The following RBM20 variants were observed in gnomAD, a reference collection of about 807,000 sequenced individuals.
RBM20 encodes the protein RNA binding motif protein 20.
RBM20 carries 51 observed loss-of-function variants against 110.1 expected under a neutral mutation model. The ratio of observed to expected loss-of-function variants is 0.46; its 90% CI spans 0.37 to 0.59. The LOEUF (loss-of-function observed/expected upper bound fraction) is 0.59. RBM20 is among the 20% of genes least tolerant of loss of function. The pLI is 0.00. For synonymous variants in RBM20, 589 were observed against 618.2 expected (o/e 0.95, Z 0.70); for missense variants, 1,512 against 1,574.9 (o/e 0.96, Z 0.68).
chr10:110,674,881 G>T (rs937761720), intron 1 of RBM20, among the ~76,000 whole-genome samples: 2 of 152,208 alleles, frequency 1.3e-5, no homozygotes, highest in Non-Finnish European at 2.9e-5. Context: ...GCACACACTA[G>T]CTCTGTATTA....
At chr10:110,686,561 G>A (rs2134868713) in intron 1 of RBM20, among the ~76,000 whole-genome samples, 1 of 152,142 alleles carries the variant, frequency 6.6e-6, no homozygotes, top group South Asian at 2.1e-4. Context: ...GGAGTTCAAA[G>A]GCTGCAGTGA....
chr10:110,740,872 TC>T (rs1226011529), intron 1 of RBM20, among the ~76,000 whole-genome samples: 1 of 152,146 alleles, frequency 6.6e-6, no homozygotes, highest in African/African-American at 2.4e-5. Context: ...GTTAGCTGGA[TC>T]CAGATGCTGG....
At chr10:110,819,761 G>T (rs1379222775) in intron 9 of RBM20, among the ~76,000 whole-genome samples, 1 of 152,096 alleles carries the variant, frequency 6.6e-6, no homozygotes, top group Non-Finnish European at 1.5e-5. Flanking sequence ...CTTCTACTCT[G>T]CAAAAAATAC....
At chr10:110,699,743 C>CTA (rs570832682) in intron 1 of RBM20, among the ~76,000 whole-genome samples, 3,630 of 151,832 alleles carry the variant, frequency 0.024, 82 homozygotes, top group South Asian at 0.082. Flanking sequence ...GTACTGAACC[C>CTA]TATATATATA....
intron 1 of RBM20, among the ~76,000 whole-genome samples, chr10:110,776,031 G>A (rs866806018): frequency 6.6e-6 from 1 of 152,180 alleles, no homozygotes; most frequent in African/African-American, 2.4e-5. Flanking sequence ...AATCATGCCT[G>A]ATAGCTCTAA....
chr10:110,756,730 A>G (rs937713350), intron 1 of RBM20: 7 of 152,264 alleles, frequency 4.6e-5, no homozygotes, highest in African/African-American at 1.4e-4. Flanking sequence ...GGCTGTCACC[A>G]GGTCTTATAC....
At position 110,821,658 on chromosome 10, in the gene RBM20, T is replaced by G; in HGVS notation, c.3039T>G (p.Ser1013Arg). ...ATGCTGAGCGGAAGCCAGCTGAAAG[T>G]GAGACAGGCCTCTCCCTGGAGGATT... is the stretch of plus-strand genomic sequence containing the variant. ...NLDAERKPAE[S>R]ETGLSLEDSD... Residue 1013 changes from serine to arginine, a missense_variant, in exon 11 of 14, where the codon AGT (serine) becomes AGG (arginine). Ser to Arg is a moderately radical substitution (Grantham distance 110). Coordinates refer to ENST00000369519, the MANE Select transcript of RBM20 (RefSeq NM_001134363.3). The G allele has an allele frequency of 6.4e-7, 1 of 1,551,700 alleles. No homozygotes were observed. Among genetic ancestry groups the G allele is most frequent in the Non-Finnish European group, 8.7e-7 (1 of 1,146,996 alleles).
At chr10:110,753,709 A>C (rs1843888120) in intron 1 of RBM20, among the ~76,000 whole-genome samples, 1 of 152,252 alleles carries the variant, frequency 6.6e-6, no homozygotes, top group Admixed American at 6.5e-5. Flanking sequence ...TCTGGAAGGC[A>C]GAAGCCCATC....
chr10:110,655,508 A>G (rs1862009820), intron 1 of RBM20, among the ~76,000 whole-genome samples: 1 of 152,200 alleles, frequency 6.6e-6, no homozygotes, highest in African/African-American at 2.4e-5. Flanking sequence ...TTGATTTGCA[A>G]AGTGTGTCTG....
chr10:110,789,280 TA>T (rs1332206744), intron 5 of RBM20, among the ~76,000 whole-genome samples: 1 of 152,168 alleles, frequency 6.6e-6, no homozygotes, highest in Non-Finnish European at 1.5e-5. Context: ...CCACAAAATC[TA>T]AAAGGACCGC....
chr10:110,730,388 G>A (rs759725725), intron 1 of RBM20, among the ~76,000 whole-genome samples: 24 of 152,162 alleles, frequency 1.6e-4, no homozygotes, highest in African/African-American at 4.6e-4. Flanking sequence ...GAGATCCCCC[G>A]ACCTCCTTTC....
chr10:110,653,896 A>G (rs1169354057), intron 1 of RBM20, among the ~76,000 whole-genome samples: 1 of 152,140 alleles, frequency 6.6e-6, no homozygotes, highest in Non-Finnish European at 1.5e-5. Context: ...ACCTCTTTCT[A>G]CTTTCCAATA....
intron 9 of RBM20, among the ~76,000 whole-genome samples, 200 bp from the exon 10 acceptor site, chr10:110,819,871 AC>A (rs1300218845): frequency 6.6e-6 from 1 of 152,088 alleles, no homozygotes; most frequent in Non-Finnish European, 1.5e-5. Flanking sequence ...AAATTACTTA[AC>A]CTCTCTGAAC....
chr10:110,660,201 T>C (rs1322149051), intron 1 of RBM20, among the ~76,000 whole-genome samples: 1 of 152,090 alleles, frequency 6.6e-6, no homozygotes, highest in African/African-American at 2.4e-5. Flanking sequence ...TTTGCAATAA[T>C]GACAGTTTAA....
intron 1 of RBM20, among the ~76,000 whole-genome samples, chr10:110,733,253 AATTCAGTTC>A (rs1843637026): frequency 1.3e-5 from 2 of 152,182 alleles, no homozygotes; most frequent in South Asian, 4.1e-4. Context: ...ATGGTGTCTC[AATTCAGTTC>A]ATCCCCGTCC....
intron 1 of RBM20, among the ~76,000 whole-genome samples, chr10:110,778,223 G>C (rs1220070148): frequency 1.3e-5 from 2 of 152,252 alleles, no homozygotes; most frequent in Non-Finnish European, 2.9e-5. Context: ...CAGCCAGCCT[G>C]TTCTGCCCTT....
chr10:110,766,351 C>A (rs1844083928), intron 1 of RBM20, among the ~76,000 whole-genome samples: 1 of 123,162 alleles, frequency 8.1e-6, no homozygotes. Context: ...TTTAATTGAT[C>A]ATTCTTGGGT....
intron 1 of RBM20, among the ~76,000 whole-genome samples, chr10:110,767,738 G>A (rs1181033485): frequency 3.9e-5 from 6 of 152,206 alleles, no homozygotes; most frequent in Middle Eastern, 3.4e-3. Context: ...ATGGGCGGCC[G>A]GGCAGAGACG....
intron 1 of RBM20, among the ~76,000 whole-genome samples, chr10:110,649,050 T>C (rs1861909298): frequency 6.6e-6 from 1 of 152,152 alleles, no homozygotes; most frequent in Non-Finnish European, 1.5e-5. Context: ...TTTTGCTACC[T>C]CCTTCGCAGT....
Sources: allele counts gnomAD v4.1 joint callset (sites outside exome capture counted in the v4.1 genomes callset), GRCh38; gene constraint gnomAD v4.1.1; transcripts MANE v1.5; gene names NCBI Gene and HGNC (gene_info 2026-07-23, HGNC 2026-07-21).